Variants in NEU3 observed in about 807,000 individuals in gnomAD.
The protein encoded by NEU3 is neuraminidase 3, also known as sialidase-3.
NEU3 carries 10 observed loss-of-function variants against 11.4 expected under a neutral mutation model. The observed-to-expected ratio is 0.88, with a 90% CI of 0.54 to 1.49. The LOEUF (loss-of-function observed/expected upper bound fraction) is 1.49, where lower values mean the gene tolerates loss of function less well. Ranked by LOEUF, NEU3 falls within the 40% of genes most tolerant of loss-of-function variation. NEU3 has a pLI of 0.00. For synonymous variants in NEU3, 212 were observed against 228.2 expected, an observed-to-expected ratio of 0.93 and a Z score of 0.64; for missense variants, 529 against 581.8, an observed-to-expected ratio of 0.91 and a Z score of 0.93.
In NEU3 at chr11:75,005,936, C is replaced by T. The variant is rs776747427; in HGVS notation, c.830C>T (p.Ala277Val). 3 of 1,613,638 alleles carry T rather than the reference C, an allele frequency of 1.9e-6. No individual in the cohort carries two copies. The highest frequency in any genetic ancestry group is 2.2e-5 in the South Asian group (2 of 91,084). The change falls in exon 3 of 3, where the codon GCC (alanine) becomes GTC (valine). Residue 277 changes from alanine (A) to valine (V), a missense_variant. Coordinates refer to ENST00000294064, the MANE Select transcript of NEU3 (RefSeq NM_006656.6). ...RAGHPVLYCS[A>V]RTPNRCRAEA... ...GGCCACCCTGTGCTATATTGCAGTG[C>T]CCGGACACCAAACAGGTGCCGGGCA...
rs769748967 is a variant in NEU3 at position 74,994,615 on chromosome 11, C to G, written c.201C>G (p.Pro67=). 5 of 1,613,948 alleles carry G rather than the reference C, an allele frequency of 3.1e-6. No individual in the cohort carries two copies. Among genetic ancestry groups the G allele is most frequent in the Non-Finnish European group, 4.2e-6 (5 of 1,179,838 alleles). ...TCCCAGCCCTGCTCTACATACCCCC[C>G]ACCCACACCTTCCTGGCCTTTGCAG... ...YRIPALLYIP[P]THTFLAFAEK... is the part of the protein sequence containing the mutation. The change falls in exon 2 of 3, where the codon CCC becomes CCG. Residue 67 remains proline, a synonymous_variant. Coordinates refer to ENST00000294064, the MANE Select transcript of NEU3 (RefSeq NM_006656.6).
At chr11:74,983,995 A>G (rs1478878140), upstream of NEU3, among the ~76,000 whole-genome samples, 2 of 152,044 alleles carry the variant, frequency 1.3e-5, no homozygotes, top group Admixed American at 1.3e-4. Flanking sequence ...ATCCTGTTAC[A>G]TAGAGTTCTG....
At chr11:74,995,180 T>C (rs770208725) in intron 2 of NEU3, 3 of 394,726 alleles carry the variant, frequency 7.6e-6, no homozygotes, top group Non-Finnish European at 1.4e-5. Flanking sequence ...GAGATCCTAG[T>C]GCTCCAAGAG....
chr11:75,014,020 A>G (rs75438004), downstream of NEU3, among the ~76,000 whole-genome samples: 1 of 152,330 alleles, frequency 6.6e-6, no homozygotes, highest in East Asian at 1.9e-4. Flanking sequence ...GTAATAATGT[A>G]TCTTACAGTG....
At chr11:74,995,696 C>G (rs763933574) in intron 2 of NEU3, among the ~76,000 whole-genome samples, 1 of 152,210 alleles carries the variant, frequency 6.6e-6, no homozygotes, top group African/African-American at 2.4e-5. Context: ...ATTATTTGAA[C>G]CTTTGGCTAG....
chr11:74,982,899 T>C, the NEU3 span, among the ~76,000 whole-genome samples: 1 of 152,100 alleles, frequency 6.6e-6, no homozygotes, highest in South Asian at 2.1e-4. Flanking sequence ...ACCTCCTCCT[T>C]CCACCACCTC....
chr11:75,011,206 T>G (rs1948953047), downstream of NEU3, among the ~76,000 whole-genome samples: 1 of 152,236 alleles, frequency 6.6e-6, no homozygotes. Context: ...GCAGTGCTGG[T>G]GCTTGCCACT....
At chr11:75,000,641 G>A (rs1412829953) in intron 2 of NEU3, among the ~76,000 whole-genome samples, 1 of 148,954 alleles carries the variant, frequency 6.7e-6, no homozygotes, top group Non-Finnish European at 1.5e-5. Context: ...TTTTTTTGAG[G>A]CAGGGTCTCA....
At chr11:75,014,771 G>A (rs549357553), downstream of NEU3, among the ~76,000 whole-genome samples, 5 of 152,226 alleles carry the variant, frequency 3.3e-5, no homozygotes, top group Admixed American at 2.0e-4. Flanking sequence ...AGGCTGAGGT[G>A]GGAGGACCAC....
upstream of NEU3, chr11:74,988,866 T>G: frequency 1.7e-6 from 1 of 578,162 alleles, no homozygotes. Context: ...AGGCCAACGG[T>G]TGGCCCCAAC....
chr11:74,989,920 C>T (rs763213709), intron 1 of NEU3: 2 of 697,414 alleles, frequency 2.9e-6, no homozygotes, highest in Non-Finnish European at 5.2e-6. Context: ...TAAATGAACC[C>T]CAGAGCAGGC....
chr11:75,004,037 TG>T, intron 2 of NEU3, among the ~76,000 whole-genome samples: 1 of 152,364 alleles, frequency 6.6e-6, no homozygotes, highest in South Asian at 2.1e-4. Flanking sequence ...ATGCTACATT[TG>T]AATAATCTTA....
At chr11:74,988,144 T>C (rs182193052), upstream of NEU3, 46 of 152,246 alleles carry the variant, frequency 3.0e-4, no homozygotes, top group African/African-American at 1.1e-3. Context: ...TTTCCTTTTA[T>C]TGGCGTTTGT....
In NEU3 at chr11:75,010,274, TCTGAATTCC is replaced by T. The variant is rs1948944092; in HGVS notation, c.*3788_*3796del. ...AAATATAAGCTTTTTTCTGTCATAT[TCTGAATTCC>T]CTGAAGGTAAGGACTATGTCTGATT... is the stretch of plus-strand genomic sequence containing the variant. On this transcript the variant is annotated 3_prime_UTR_variant, in exon 3 of 3. Coordinates refer to ENST00000294064, the MANE Select transcript of NEU3 (RefSeq NM_006656.6). 6.6e-6 allele frequency: 1 copy of T among 152,252 alleles called. No individual in the cohort carries two copies. The highest frequency in any genetic ancestry group is 6.5e-5 in the Admixed American group (1 of 15,290). The allele number at this position is 152,252 out of a possible 1,614,324, so 9.4% of individuals were successfully genotyped here. A position where few individuals can be genotyped will look rare whatever the true frequency, so the allele number is the denominator to read the frequency against.
downstream of NEU3, among the ~76,000 whole-genome samples, chr11:75,015,129 G>C (rs1341699602): frequency 6.6e-6 from 1 of 152,140 alleles, no homozygotes. Flanking sequence ...GGTCTTAAGA[G>C]GTGGGGTCTT....
chr11:75,005,806 C>T lies in NEU3; in HGVS notation c.700C>T (p.Leu234=), dbSNP rs1325762214. The stretch of plus-strand genomic sequence containing the variant: ...ACCATGTAAAACCAGGCCTCATTCT[C>T]TGATGATCTACAGTGATGACCTAGG... ...QLPCKTRPHS[L]MIYSDDLGVT... Residue 234 remains leucine (L), a synonymous_variant, in exon 3 of 3, where the codon CTG becomes TTG. Transcript: ENST00000294064. The T allele has an allele frequency of 1.9e-6, 3 of 1,613,992 alleles. No individual in the cohort carries two copies. The highest frequency in any genetic ancestry group is 2.5e-6 in the Non-Finnish European group (3 of 1,179,866).
chr11:74,982,911 C>CA, the NEU3 span, among the ~76,000 whole-genome samples: 131 of 152,264 alleles, frequency 8.6e-4, 3 homozygotes, highest in East Asian at 0.024. Context: ...CACCACCTCT[C>CA]ACACTTCTGG....
upstream of NEU3, among the ~76,000 whole-genome samples, chr11:74,987,175 T>C (rs1399813089): frequency 6.6e-6 from 1 of 152,176 alleles, no homozygotes; most frequent in Non-Finnish European, 1.5e-5. Context: ...CCATCAACTA[T>C]TTAGTTACCC....
At chr11:75,016,582 A>G (rs1275854602) in intron 3 of NEU3, among the ~76,000 whole-genome samples, 1 of 152,136 alleles carries the variant, frequency 6.6e-6, no homozygotes, top group Non-Finnish European at 1.5e-5. Context: ...GCATAGTGGG[A>G]CTTAAGTATT....
Sources: gnomAD v4.1 joint callset for allele counts (sites outside exome capture counted in the v4.1 genomes callset) on GRCh38, gnomAD v4.1.1 for gene constraint, MANE v1.5 for transcripts, NCBI Gene and HGNC (gene_info 2026-07-23, HGNC 2026-07-21) for gene names.